Variants in SLC2A13 observed in about 807,000 individuals in gnomAD.
SLC2A13 encodes solute carrier family 2 member 13, also known as proton myo-inositol cotransporter.
A neutral mutation model predicts 64.4 loss-of-function variants in SLC2A13; 32 were observed. The ratio of observed to expected loss-of-function variants is 0.50; its 90% CI spans 0.37 to 0.67. The LOEUF is 0.67. Ranked by LOEUF, SLC2A13 falls within the 30% of genes least tolerant of loss-of-function variation. The pLI, the probability that SLC2A13 is intolerant of heterozygous loss-of-function variation, is 0.00. For missense variants in SLC2A13, 743 were observed against 829.2 expected (o/e 0.90, Z 1.28); for synonymous variants, 338 against 327.1 (o/e 1.03, Z -0.36).
At chr12:39,760,285 A>AAT (rs765017469) in intron 9 of SLC2A13, 33 bp from the exon 10 acceptor site, 1 of 1,559,366 alleles carries the variant, frequency 6.4e-7, no homozygotes, top group African/African-American at 1.4e-5. Context: ...CATGAATATG[A>AAT]ATATATAGAG....
chr12:39,966,538 T>C (rs1455527042), intron 3 of SLC2A13, among the ~76,000 whole-genome samples: 1 of 152,026 alleles, frequency 6.6e-6, no homozygotes, highest in African/African-American at 2.4e-5. Context: ...ATTTTAACAA[T>C]AGAAATTAGA....
At chr12:39,999,486 G>C (rs940742986) in intron 3 of SLC2A13, among the ~76,000 whole-genome samples, 1 of 152,082 alleles carries the variant, frequency 6.6e-6, no homozygotes, top group African/African-American at 2.4e-5. Context: ...TTATGCAGTT[G>C]AGATAAGGAC....
intron 4 of SLC2A13, among the ~76,000 whole-genome samples, chr12:39,947,889 T>C (rs1365912465): frequency 2.0e-5 from 3 of 152,138 alleles, no homozygotes; most frequent in African/African-American, 7.2e-5. Context: ...CTCGATCTCC[T>C]GACTTCATGA....
chr12:40,025,473 C>T (rs1947788586), intron 3 of SLC2A13, among the ~76,000 whole-genome samples: 1 of 152,164 alleles, frequency 6.6e-6, no homozygotes, highest in African/African-American at 2.4e-5. Flanking sequence ...CCATAACCGT[C>T]ACAAGTCACA....
chr12:39,805,973 T>C (rs773554365), intron 7 of SLC2A13, among the ~76,000 whole-genome samples: 1 of 152,196 alleles, frequency 6.6e-6, no homozygotes, highest in Non-Finnish European at 1.5e-5. Flanking sequence ...TTAAACACTT[T>C]CCTTAGCAAT....
chr12:40,102,151 A>G (rs1053803190), intron 1 of SLC2A13, among the ~76,000 whole-genome samples: 1 of 152,228 alleles, frequency 6.6e-6, no homozygotes. Context: ...GGCACTACAG[A>G]GAAATGTCTC....
chr12:39,847,595 G>A (rs1454463558), intron 6 of SLC2A13, among the ~76,000 whole-genome samples: 5 of 152,000 alleles, frequency 3.3e-5, no homozygotes, highest in African/African-American at 1.2e-4. Context: ...ACTTATGAAA[G>A]ACATTTGTAT....
chr12:39,878,739 A>C (rs915791080), intron 4 of SLC2A13, among the ~76,000 whole-genome samples: 5 of 152,234 alleles, frequency 3.3e-5, no homozygotes, highest in African/African-American at 9.6e-5. Flanking sequence ...TGGCAGAAAA[A>C]GAAAAAAGCT....
At chr12:39,774,637 A>C (rs1250443970) in intron 7 of SLC2A13, among the ~76,000 whole-genome samples, 4 of 150,418 alleles carry the variant, frequency 2.7e-5, no homozygotes, top group Non-Finnish European at 5.9e-5. Flanking sequence ...TGTCATTTAC[A>C]GACAAGATGA....
chr12:40,064,271 T>A (rs1948474643), intron 1 of SLC2A13, among the ~76,000 whole-genome samples: 1 of 152,030 alleles, frequency 6.6e-6, no homozygotes, highest in South Asian at 2.1e-4. Flanking sequence ...TTATATTATG[T>A]GTATTGTGTA....
chr12:39,800,103 T>TA (rs1292173529), intron 7 of SLC2A13, among the ~76,000 whole-genome samples: 3 of 152,138 alleles, frequency 2.0e-5, no homozygotes, highest in African/African-American at 7.2e-5. Flanking sequence ...CTAGGTACAA[T>TA]AAAAAATCAG....
At chr12:40,044,571 C>T (rs1490318762) in intron 2 of SLC2A13, among the ~76,000 whole-genome samples, 1 of 152,074 alleles carries the variant, frequency 6.6e-6, no homozygotes, top group Non-Finnish European at 1.5e-5. Flanking sequence ...AGATGGTATC[C>T]TTCCCAGTAC....
At chr12:40,070,438 C>T (rs1346519786) in intron 1 of SLC2A13, among the ~76,000 whole-genome samples, 1 of 152,128 alleles carries the variant, frequency 6.6e-6, no homozygotes, top group Non-Finnish European at 1.5e-5. Context: ...AAAACACTGA[C>T]CAGCTAAACA....
chr12:39,768,511 G>A (rs1484995663), intron 7 of SLC2A13, among the ~76,000 whole-genome samples: 1 of 152,108 alleles, frequency 6.6e-6, no homozygotes, highest in East Asian at 1.9e-4. Flanking sequence ...AGTGAGAGTC[G>A]TGCTACTATT....
At chr12:40,022,674 T>C (rs987828626) in intron 3 of SLC2A13, among the ~76,000 whole-genome samples, 2 of 152,086 alleles carry the variant, frequency 1.3e-5, no homozygotes, top group African/African-American at 4.8e-5. Context: ...CCGTCTCTAC[T>C]AGACATACAA....
intron 7 of SLC2A13, among the ~76,000 whole-genome samples, chr12:39,828,833 CTGAG>C (rs573903890): frequency 2.1e-3 from 325 of 151,958 alleles, no homozygotes; most frequent in Middle Eastern, 0.01. Context: ...GAACTATAAA[CTGAG>C]TATTTTTAAA....
intron 3 of SLC2A13, among the ~76,000 whole-genome samples, chr12:39,977,715 T>G (rs1325816943): frequency 6.6e-6 from 1 of 152,242 alleles, no homozygotes; most frequent in Admixed American, 6.5e-5. Flanking sequence ...CACTCTCTGC[T>G]AATCAAGGTA....
At chr12:39,923,696 GCA>G (rs368849811) in intron 4 of SLC2A13, among the ~76,000 whole-genome samples, 3 of 146,904 alleles carry the variant, frequency 2.0e-5, no homozygotes, top group African/African-American at 7.6e-5. Flanking sequence ...ATGCGCACGC[GCA>G]CACACACACA....
At chr12:39,915,953 A>T (rs113364021) in intron 4 of SLC2A13, among the ~76,000 whole-genome samples, 1 of 151,292 alleles carries the variant, frequency 6.6e-6, no homozygotes, top group Non-Finnish European at 1.5e-5. Context: ...ACTTACATTT[A>T]TTCAAAAGAC....
Sources: gnomAD v4.1 joint callset for allele counts (sites outside exome capture counted in the v4.1 genomes callset) on GRCh38, gnomAD v4.1.1 for gene constraint, MANE v1.5 for transcripts, NCBI Gene and HGNC (gene_info 2026-07-23, HGNC 2026-07-21) for gene names.